FOXN3: variants seen among roughly 807,000 people sequenced by gnomAD.
FOXN3 encodes forkhead box N3.
In FOXN3, 7 loss-of-function variants were observed where a neutral mutation model predicts 38.4. The observed-to-expected ratio is 0.18, with a 90% confidence interval of 0.10 to 0.34. The LOEUF is 0.34. Ranked by LOEUF, FOXN3 falls within the 10% of genes least tolerant of loss-of-function variation. The pLI is 1.00. For synonymous variants in FOXN3, 230 were observed against 242.2 expected (o/e 0.95, Z 0.47); for missense variants, 456 against 613.4 (o/e 0.74, Z 2.71).
At chr14:89,512,911 T>C (rs1199687172) in intron 1 of FOXN3, among the ~76,000 whole-genome samples, 2 of 151,452 alleles carry the variant, frequency 1.3e-5, no homozygotes, top group African/African-American at 4.9e-5. Context: ...GAGGCCGAGG[T>C]GGGTGGATCA....
At chr14:89,313,556 TA>T (rs977913007) in intron 3 of FOXN3, among the ~76,000 whole-genome samples, 128 of 146,442 alleles carry the variant, frequency 8.7e-4, no homozygotes, top group African/African-American at 1.6e-3. Context: ...GATGCTGTCT[TA>T]AAAAAAAAAA....
intron 3 of FOXN3, among the ~76,000 whole-genome samples, chr14:89,289,019 T>C (rs532013980): frequency 2.8e-4 from 43 of 151,260 alleles, no homozygotes; most frequent in African/African-American, 1.0e-3. Context: ...CTGTCTGTAC[T>C]AAAAATACAA....
chr14:89,514,287 C>T (rs960752541), intron 1 of FOXN3, among the ~76,000 whole-genome samples: 1 of 152,210 alleles, frequency 6.6e-6, no homozygotes, highest in Non-Finnish European at 1.5e-5. Context: ...TTCTGGGCGG[C>T]AGGTCTCAAA....
chr14:89,513,746 C>A (rs1327468881), intron 1 of FOXN3, among the ~76,000 whole-genome samples: 1 of 152,100 alleles, frequency 6.6e-6, no homozygotes, highest in Non-Finnish European at 1.5e-5. Context: ...AGGCATGCAC[C>A]ACCACATCCG....
intron 1 of FOXN3, among the ~76,000 whole-genome samples, chr14:89,449,997 C>T (rs893906655): frequency 6.6e-6 from 1 of 152,250 alleles, no homozygotes; most frequent in Non-Finnish European, 1.5e-5. Flanking sequence ...CTCTGTCACT[C>T]AAGCCGCACT....
chr14:89,261,565 G>T (rs905291998), intron 4 of FOXN3, among the ~76,000 whole-genome samples: 1 of 152,072 alleles, frequency 6.6e-6, no homozygotes, highest in East Asian at 1.9e-4. Flanking sequence ...AGGCTGAGGT[G>T]GGTGGATTGC....
At chr14:89,617,515 T>TA (rs1251912740) in intron 1 of FOXN3, among the ~76,000 whole-genome samples, 3 of 152,262 alleles carry the variant, frequency 2.0e-5, no homozygotes, top group Non-Finnish European at 4.4e-5. Flanking sequence ...ATTATCAAAG[T>TA]AATGATACAG....
intron 1 of FOXN3, among the ~76,000 whole-genome samples, chr14:89,611,001 T>G (rs1896376876): frequency 6.6e-6 from 1 of 152,210 alleles, no homozygotes; most frequent in Non-Finnish European, 1.5e-5. Flanking sequence ...AGACACACAT[T>G]TGACTGAAAA....
At chr14:89,455,545 T>C (rs1255364561) in intron 1 of FOXN3, among the ~76,000 whole-genome samples, 1 of 152,166 alleles carries the variant, frequency 6.6e-6, no homozygotes, top group Non-Finnish European at 1.5e-5. Flanking sequence ...CAGCAGCCAC[T>C]GGAGTAACGC....
intron 1 of FOXN3, among the ~76,000 whole-genome samples, chr14:89,532,874 T>C (rs765132370): frequency 2.0e-5 from 3 of 152,220 alleles, no homozygotes; most frequent in Non-Finnish European, 2.9e-5. Context: ...GGTATAGCTA[T>C]ACATGTAGGT....
At chr14:89,246,658 C>T (rs1885309090) in intron 4 of FOXN3, among the ~76,000 whole-genome samples, 1 of 149,126 alleles carries the variant, frequency 6.7e-6, no homozygotes, top group Non-Finnish European at 1.5e-5. Flanking sequence ...TCTGCCCCAG[C>T]CTCCCAAGTA....
intron 2 of FOXN3, among the ~76,000 whole-genome samples, chr14:89,365,261 T>C (rs1225783623): frequency 6.6e-6 from 1 of 152,226 alleles, no homozygotes; most frequent in East Asian, 1.9e-4. Context: ...GGCTGACAGA[T>C]CTACTCAGTA....
At chr14:89,366,440 A>T (rs1890156474) in intron 2 of FOXN3, among the ~76,000 whole-genome samples, 1 of 152,202 alleles carries the variant, frequency 6.6e-6, no homozygotes, top group Non-Finnish European at 1.5e-5. Context: ...TTGCATAAGC[A>T]AATTACAAAG....
chr14:89,227,032 C>T (rs1884662367), intron 4 of FOXN3, among the ~76,000 whole-genome samples: 1 of 152,116 alleles, frequency 6.6e-6, no homozygotes, highest in Non-Finnish European at 1.5e-5. Flanking sequence ...TACGGCAGCC[C>T]TAGCAAACTA....
At chr14:89,398,551 A>C (rs1242181557) in intron 2 of FOXN3, among the ~76,000 whole-genome samples, 1 of 152,226 alleles carries the variant, frequency 6.6e-6, no homozygotes, top group African/African-American at 2.4e-5. Flanking sequence ...GGCACCATGG[A>C]GATGACAAGA....
intron 3 of FOXN3, among the ~76,000 whole-genome samples, chr14:89,322,711 T>C (rs1887930822): frequency 6.6e-6 from 1 of 152,106 alleles, no homozygotes; most frequent in Non-Finnish European, 1.5e-5. Context: ...TGCTGAATAC[T>C]CGCTGAGTAC....
chr14:89,463,115 C>T (rs1329548327), intron 1 of FOXN3, among the ~76,000 whole-genome samples: 1 of 151,504 alleles, frequency 6.6e-6, no homozygotes, highest in Admixed American at 6.6e-5. Context: ...CGGTGAAACC[C>T]CGTCTCTACT....
intron 2 of FOXN3, among the ~76,000 whole-genome samples, chr14:89,365,688 A>G (rs1366616615): frequency 6.6e-6 from 1 of 152,202 alleles, no homozygotes; most frequent in East Asian, 1.9e-4. Flanking sequence ...GCACAGAAGC[A>G]TTTAAAAAAA....
intron 2 of FOXN3, among the ~76,000 whole-genome samples, chr14:89,352,818 G>T (rs181278493): frequency 2.0e-5 from 3 of 152,170 alleles, no homozygotes; most frequent in Admixed American, 6.5e-5. Context: ...CCAAGAACGT[G>T]GTTTCTCCTA....
Sources: gnomAD v4.1 joint callset for allele counts (sites outside exome capture counted in the v4.1 genomes callset) on GRCh38, gnomAD v4.1.1 for gene constraint, MANE v1.5 for transcripts, NCBI Gene and HGNC (gene_info 2026-07-23, HGNC 2026-07-21) for gene names.